KCNMA1: variants seen among roughly 807,000 people sequenced by gnomAD.
The protein encoded by KCNMA1 is Calcium-activated potassium channel subunit alpha-1.
A neutral mutation model predicts 140.0 loss-of-function variants in KCNMA1; 29 were observed. The ratio of observed to expected loss-of-function variants is 0.21; its 90% CI spans 0.15 to 0.28. The LOEUF (loss-of-function observed/expected upper bound fraction) is 0.28. Among genes scored for constraint, KCNMA1 ranks in the 10% least tolerant of loss-of-function variants. The pLI is 1.00. For missense variants in KCNMA1, 880 were observed against 1,602.2 expected, an observed-to-expected ratio of 0.55 and a Z score of 7.70; for synonymous variants, 612 against 611.9, an observed-to-expected ratio of 1.00 and a Z score of 0.00.
At chr10:77,254,846 C>T (rs2060401456) in intron 2 of KCNMA1, among the ~76,000 whole-genome samples, 1 of 152,172 alleles carries the variant, frequency 6.6e-6, no homozygotes, top group South Asian at 2.1e-4. Flanking sequence ...TAAAATGAGG[C>T]CAAGGAAAGC....
At chr10:77,303,685 G>T (rs748794271) in intron 2 of KCNMA1, among the ~76,000 whole-genome samples, 1 of 152,090 alleles carries the variant, frequency 6.6e-6, no homozygotes, top group Non-Finnish European at 1.5e-5. Context: ...TTGCCACCCT[G>T]AGTGTGACCT....
At chr10:76,907,957 T>C (rs1316437862) in intron 25 of KCNMA1, among the ~76,000 whole-genome samples, 1 of 152,220 alleles carries the variant, frequency 6.6e-6, no homozygotes. Flanking sequence ...AAATATCTGA[T>C]ATGTAGAAAC....
At chr10:77,513,448 G>A (rs1205733505) in intron 1 of KCNMA1, among the ~76,000 whole-genome samples, 4 of 152,168 alleles carry the variant, frequency 2.6e-5, no homozygotes, top group South Asian at 4.1e-4. Flanking sequence ...GCTGCCTCCC[G>A]GGAGCCTAGC....
chr10:77,000,433 C>T lies in KCNMA1; in HGVS notation c.2266+974G>A, dbSNP rs149038261. ...ACCGTATCAGGAAAACAGCAAAGTC[C>T]ATGGGGAAGCAAGGATAAGGGAGGT... On this transcript the variant is annotated intron_variant, in intron 19 of 27. Transcript: ENST00000286628. 9.2e-5 allele frequency among the ~76,000 whole-genome samples: 14 copies of T among 152,178 alleles called. No individual in the cohort carries two copies. The East Asian group carries it at 2.7e-3, about 30-fold the overall frequency.
At position 76,969,958 on chromosome 10, in the gene KCNMA1, C is replaced by G; in HGVS notation, c.2360+16G>C. ...GGCTAAGAGGGAAACCGTGGGCAAC[C>G]AGCCCCTCTCCTTACCTCATCAGCT... On this transcript the variant is annotated intron_variant, in intron 20 of 27. Coordinates refer to ENST00000286628, the MANE Select transcript of KCNMA1 (RefSeq NM_001161352.2). 6.3e-7 allele frequency: 1 copy of G among 1,597,862 alleles called. No individual in the cohort carries two copies. Among genetic ancestry groups the G allele is most frequent in the Non-Finnish European group, 8.6e-7 (1 of 1,165,412 alleles).
intron 3 of KCNMA1, among the ~76,000 whole-genome samples, chr10:77,216,672 T>G (rs558085651): frequency 6.6e-6 from 1 of 152,254 alleles, no homozygotes; most frequent in African/African-American, 2.4e-5. Context: ...TACCAGCTTC[T>G]GAAGGCTTCT....
chr10:77,355,045 C>T (rs158209), intron 2 of KCNMA1: 123,417 of 152,194 alleles, frequency 0.81, 50,256 homozygotes, highest in Middle Eastern at 0.88. Context: ...GGGAGATAAT[C>T]TGAATCACGG....
At chr10:77,499,737 AC>A (rs2043205023) in intron 1 of KCNMA1, among the ~76,000 whole-genome samples, 1 of 152,206 alleles carries the variant, frequency 6.6e-6, no homozygotes, top group Non-Finnish European at 1.5e-5. Context: ...AAGGAATTCA[AC>A]AACAGGAGAT....
rs367758540 is a variant in KCNMA1, at chr10:77,267,956, C to T, written c.541-16700G>A. Among the ~76,000 whole-genome samples the T allele has an allele frequency of 3.9e-5, 6 of 152,290 alleles. No homozygotes were observed. The East Asian group carries it at 7.7e-4, about 20-fold the overall frequency. On this transcript the variant is annotated intron_variant, in intron 2 of 27. Transcript: ENST00000286628. Reference sequence around the variant, plus strand: ...GGCATTTTAATAAGCCAAGAATAGACGCTTCTTGACAGTAGACCCTGCCAA... The same window carrying T: ...GGCATTTTAATAAGCCAAGAATAGATGCTTCTTGACAGTAGACCCTGCCAA...
intron 1 of KCNMA1, among the ~76,000 whole-genome samples, chr10:77,546,132 A>C (rs894469682): frequency 5.9e-5 from 9 of 152,202 alleles, no homozygotes; most frequent in Non-Finnish European, 2.9e-5. Context: ...CCAGACACTA[A>C]AATTACATTT....
Position 77,413,049 on chromosome 10 carries a change from G to A in KCNMA1, c.379-9026C>T, listed in dbSNP as rs540226963. Among the ~76,000 whole-genome samples, 18 of 152,098 alleles carry A rather than the reference G, an allele frequency of 1.2e-4. 1 individual carries two copies. The highest frequency in any genetic ancestry group is 4.3e-4 in the African/African-American group (18 of 41,464). On this transcript the variant is annotated intron_variant, in intron 1 of 27. Transcript: ENST00000286628. ...ATTTTTGTATTTTTAGTACAGACAG[G>A]GTTTCACCATGTTGGCCAGGCTGGT...
intron 19 of KCNMA1, chr10:76,977,896 C>G: frequency 2.2e-6 from 1 of 450,428 alleles, no homozygotes; most frequent in Non-Finnish European, 4.0e-6. Context: ...GTGAGCAATT[C>G]CTCGAAGCTG....
chr10:77,518,952 T>C (rs1370808901), intron 1 of KCNMA1, among the ~76,000 whole-genome samples: 1 of 152,204 alleles, frequency 6.6e-6, no homozygotes, highest in Non-Finnish European at 1.5e-5. Flanking sequence ...ATGGTTACTA[T>C]TAGAAAGTTA....
At chr10:77,487,127 C>G (rs924535905) in intron 1 of KCNMA1, among the ~76,000 whole-genome samples, 23 of 152,198 alleles carry the variant, frequency 1.5e-4, no homozygotes, top group Admixed American at 4.6e-4. Flanking sequence ...TTCTCTCCAT[C>G]CAGCTCAGCC....
At chr10:76,870,572 G>T (rs539616937) in exon 28 of KCNMA1, 1 of 152,384 alleles carries the variant, frequency 6.6e-6, no homozygotes, top group African/African-American at 2.4e-5. Context: ...AAGCAAGGTG[G>T]TCGTAGCATT....
intron 1 of KCNMA1, among the ~76,000 whole-genome samples, chr10:77,469,102 T>C (rs551381574): frequency 1.3e-5 from 2 of 152,302 alleles, no homozygotes; most frequent in South Asian, 4.1e-4. Context: ...TTTCTTTTGC[T>C]CTAGCCATGT....
At chr10:76,976,477 A>G (rs186501749) in intron 19 of KCNMA1, among the ~76,000 whole-genome samples, 13 of 152,312 alleles carry the variant, frequency 8.5e-5, no homozygotes, top group African/African-American at 2.6e-4. Context: ...TCCACATGAC[A>G]TGGAATGCAG....
intron 1 of KCNMA1, among the ~76,000 whole-genome samples, chr10:77,452,904 G>A (rs182235070): frequency 1.2e-3 from 184 of 152,212 alleles, no homozygotes; most frequent in Admixed American, 2.0e-3. Context: ...TGCCCAATGC[G>A]GCATCTCATT....
chr10:77,227,192 T>C (rs1052772171), intron 3 of KCNMA1, among the ~76,000 whole-genome samples: 1 of 152,104 alleles, frequency 6.6e-6, no homozygotes, highest in African/African-American at 2.4e-5. Flanking sequence ...AGAGGGAAAA[T>C]TTTTCCCCAT....
Sources: gnomAD v4.1 joint callset for allele counts (sites outside exome capture counted in the v4.1 genomes callset) on GRCh38, gnomAD v4.1.1 for gene constraint, MANE v1.5 for transcripts, NCBI Gene and HGNC (gene_info 2026-07-23, HGNC 2026-07-21) for gene names.